Variants in RGS7 observed in about 807,000 individuals in gnomAD.
The protein encoded by RGS7 is regulator of G protein signaling 7.
A neutral mutation model predicts 81.1 loss-of-function variants in RGS7; 27 were observed. The observed-to-expected ratio is 0.33, with a 90% CI of 0.25 to 0.46. The LOEUF (loss-of-function observed/expected upper bound fraction) is 0.46, where lower values mean the gene tolerates loss of function less well. Among genes scored for constraint, RGS7 ranks in the 20% least tolerant of loss-of-function variants. The pLI is 1.00. For missense variants in RGS7, 396 were observed against 607.4 expected, an observed-to-expected ratio of 0.65 and a Z score of 3.66; for synonymous variants, 208 against 207.7, an observed-to-expected ratio of 1.00 and a Z score of -0.01.
At chr1:241,099,403 A>G (rs1405261100) in intron 2 of RGS7, among the ~76,000 whole-genome samples, 1 of 152,086 alleles carries the variant, frequency 6.6e-6, no homozygotes, top group African/African-American at 2.4e-5. Flanking sequence ...TATGCACACA[A>G]GTACACATAC....
intron 2 of RGS7, among the ~76,000 whole-genome samples, chr1:241,285,147 G>T (rs1029407115): frequency 1.3e-5 from 2 of 152,174 alleles, no homozygotes; most frequent in South Asian, 2.1e-4. Flanking sequence ...TGGGATTACA[G>T]GTGTGAGCCA....
intron 15 of RGS7, among the ~76,000 whole-genome samples, chr1:240,805,294 G>A (rs1325573580): frequency 1.3e-5 from 2 of 152,134 alleles, no homozygotes; most frequent in Non-Finnish European, 2.9e-5. Flanking sequence ...TGAGGTAGGA[G>A]GATTGCTTAA....
At chr1:240,955,575 A>G (rs1420991365) in intron 4 of RGS7, among the ~76,000 whole-genome samples, 2 of 142,880 alleles carry the variant, frequency 1.4e-5, no homozygotes, top group Non-Finnish European at 3.0e-5. Flanking sequence ...AAAAAAAAAA[A>G]AAAAAAAACC....
chr1:241,030,384 A>C, intron 3 of RGS7, among the ~76,000 whole-genome samples: 1 of 142,430 alleles, frequency 7.0e-6, no homozygotes, highest in Non-Finnish European at 1.5e-5. Context: ...ACATACACAC[A>C]TACATACACA....
chr1:241,240,280 G>T (rs548727665), intron 2 of RGS7, among the ~76,000 whole-genome samples: 119 of 152,314 alleles, frequency 7.8e-4, no homozygotes, highest in African/African-American at 2.7e-3. Context: ...AGCATGACAT[G>T]TTTGTTCTTA....
intron 3 of RGS7, among the ~76,000 whole-genome samples, chr1:241,056,994 C>A (rs1243446146): frequency 6.6e-6 from 1 of 151,948 alleles, no homozygotes; most frequent in Non-Finnish European, 1.5e-5. Flanking sequence ...TTTCCTAGCT[C>A]TTGCCAATAT....
At chr1:241,221,798 G>C (rs995934918) in intron 2 of RGS7, among the ~76,000 whole-genome samples, 5 of 152,044 alleles carry the variant, frequency 3.3e-5, no homozygotes, top group African/African-American at 1.2e-4. Context: ...CTCTTCTCTG[G>C]GTTTCCAAAG....
At chr1:240,875,790 C>T (rs923001763) in intron 6 of RGS7, among the ~76,000 whole-genome samples, 6 of 152,166 alleles carry the variant, frequency 3.9e-5, no homozygotes, top group South Asian at 2.1e-4. Flanking sequence ...TGATTAGTGA[C>T]GGGGACCACC....
At chr1:241,346,400 C>A (rs200441484) in intron 2 of RGS7, among the ~76,000 whole-genome samples, 2 of 152,160 alleles carry the variant, frequency 1.3e-5, no homozygotes, top group Non-Finnish European at 2.9e-5. Flanking sequence ...CAGCCAAGGC[C>A]AATGCATATG....
chr1:240,941,931 C>T (rs1365385576), intron 4 of RGS7, among the ~76,000 whole-genome samples: 3 of 151,438 alleles, frequency 2.0e-5, no homozygotes, highest in Non-Finnish European at 2.9e-5. Context: ...TTAATCTTCT[C>T]GTACATGTGT....
chr1:240,919,044 G>A (rs1282053041), intron 6 of RGS7, among the ~76,000 whole-genome samples: 1 of 152,012 alleles, frequency 6.6e-6, no homozygotes, highest in African/African-American at 2.4e-5. Context: ...AGGAGAAATA[G>A]ATAATCTAAA....
intron 2 of RGS7, among the ~76,000 whole-genome samples, chr1:241,208,060 T>C (rs868639544): frequency 8.5e-5 from 13 of 152,102 alleles, no homozygotes; most frequent in Non-Finnish European, 1.3e-4. Flanking sequence ...CGCCCGCCAC[T>C]GTGCCTGGCT....
chr1:241,032,562 T>C lies in RGS7; in HGVS notation c.176-49433A>G, dbSNP rs60657048. On this transcript the variant is annotated intron_variant, in intron 3 of 18. Coordinates refer to ENST00000440928, the MANE Select transcript of RGS7 (RefSeq NM_001364886.1). ...AATTGCATTGAATCTGTAGATTGCTTTGTTAAGTATGGTCATTTAAACAAT... is the reference window on the plus strand; with the variant it reads ...AATTGCATTGAATCTGTAGATTGCTCTGTTAAGTATGGTCATTTAAACAAT... 3.5e-3 allele frequency among the ~76,000 whole-genome samples: 533 copies of C among 152,268 alleles called. 5 individuals are homozygous for C. Among genetic ancestry groups the C allele is most frequent in the African/African-American group, 0.012 (504 of 41,526 alleles).
chr1:240,914,959 T>A (rs538786599), intron 6 of RGS7, among the ~76,000 whole-genome samples: 1 of 152,164 alleles, frequency 6.6e-6, no homozygotes, highest in Non-Finnish European at 1.5e-5. Flanking sequence ...TGTTCGAGGC[T>A]CAATGTGGAT....
At chr1:241,099,820 C>T (rs1332732576) in intron 2 of RGS7, among the ~76,000 whole-genome samples, 2 of 152,100 alleles carry the variant, frequency 1.3e-5, no homozygotes, top group African/African-American at 4.8e-5. Context: ...CAATACAGTT[C>T]CTACCCTCAA....
intron 3 of RGS7, among the ~76,000 whole-genome samples, chr1:241,011,182 T>C (rs1014534361): frequency 6.6e-6 from 1 of 152,166 alleles, no homozygotes; most frequent in African/African-American, 2.4e-5. Context: ...TTCACATTTT[T>C]AAAAAAGTTC....
chr1:241,178,226 A>T (rs1355663117), intron 2 of RGS7, among the ~76,000 whole-genome samples: 8 of 152,192 alleles, frequency 5.3e-5, no homozygotes, highest in African/African-American at 1.7e-4. Flanking sequence ...CAGGCATTTG[A>T]GATTGCAATA....
chr1:241,101,233 C>G (rs1191124566), intron 2 of RGS7, among the ~76,000 whole-genome samples: 1 of 152,180 alleles, frequency 6.6e-6, no homozygotes, highest in Non-Finnish European at 1.5e-5. Context: ...CGGTGGCTCA[C>G]GCCTGTAATC....
chr1:240,855,734 A>C (rs1412343315), intron 9 of RGS7, among the ~76,000 whole-genome samples: 1 of 152,090 alleles, frequency 6.6e-6, no homozygotes, highest in Non-Finnish European at 1.5e-5. Context: ...GGACAAGTTA[A>C]TCTACTTGTG....
Sources: allele counts gnomAD v4.1 joint callset (sites outside exome capture counted in the v4.1 genomes callset), GRCh38; gene constraint gnomAD v4.1.1; transcripts MANE v1.5; gene names NCBI Gene and HGNC (gene_info 2026-07-23, HGNC 2026-07-21).